The following TAFA2 variants were observed in gnomAD, a reference collection of about 807,000 sequenced individuals.
TAFA2 encodes TAFA chemokine like family member 2, also known as chemokine-like protein TAFA-2.
A neutral mutation model predicts 18.8 loss-of-function variants in TAFA2; 7 were observed. The observed-to-expected ratio is 0.37, with a 90% CI of 0.21 to 0.70. The LOEUF is 0.70. TAFA2 is among the 30% of genes least tolerant of loss of function. The probability of loss-of-function intolerance (pLI) is 0.53; values close to 1 mark genes in which losing one functional copy is unlikely to be tolerated. For synonymous variants in TAFA2, 60 were observed against 54.2 expected (o/e 1.11, Z -0.47); for missense variants, 122 against 158.1 (o/e 0.77, Z 1.23).
At chr12:62,016,898 A>G (rs555236468) in intron 1 of TAFA2, among the ~76,000 whole-genome samples, 2 of 152,310 alleles carry the variant, frequency 1.3e-5, no homozygotes, top group East Asian at 3.9e-4. Context: ...TCTGCCATAC[A>G]TGTAGAGCAG....
intron 1 of TAFA2, among the ~76,000 whole-genome samples, chr12:61,983,902 A>G (rs1436069947): frequency 1.3e-5 from 2 of 152,192 alleles, no homozygotes; most frequent in Non-Finnish European, 2.9e-5. Flanking sequence ...AGCATCCCAG[A>G]GTCTCCTGCT....
chr12:61,991,326 T>G (rs1035360645), intron 1 of TAFA2, among the ~76,000 whole-genome samples: 12 of 152,220 alleles, frequency 7.9e-5, no homozygotes, highest in African/African-American at 2.9e-4. Context: ...GATACTTTTC[T>G]TTTACATTTA....
chr12:61,981,114 A>G (rs951718644), intron 1 of TAFA2, among the ~76,000 whole-genome samples: 4 of 152,196 alleles, frequency 2.6e-5, no homozygotes, highest in Non-Finnish European at 1.5e-5. Context: ...ATAGATATAT[A>G]GATGAATGGA....
intron 1 of TAFA2, among the ~76,000 whole-genome samples, chr12:61,954,748 A>T (rs1878593192): frequency 6.6e-6 from 1 of 152,132 alleles, no homozygotes; most frequent in Non-Finnish European, 1.5e-5. Context: ...ATTTGGTGCA[A>T]AATGAGAAAC....
chr12:61,940,610 C>T (rs894745606), intron 1 of TAFA2, among the ~76,000 whole-genome samples: 2 of 152,182 alleles, frequency 1.3e-5, no homozygotes, highest in South Asian at 2.1e-4. Flanking sequence ...TGCAGTCAAC[C>T]CAAAGCCTGC....
At chr12:61,749,728 A>T (rs914758847) in intron 4 of TAFA2, among the ~76,000 whole-genome samples, 3 of 152,126 alleles carry the variant, frequency 2.0e-5, no homozygotes, top group Admixed American at 6.6e-5. Context: ...ATTTCTTCTT[A>T]AGTATATGAA....
At chr12:61,927,963 G>C (rs561132461) in intron 1 of TAFA2, among the ~76,000 whole-genome samples, 46 of 152,286 alleles carry the variant, frequency 3.0e-4, no homozygotes, top group African/African-American at 1.1e-3. Flanking sequence ...GCCATATGCA[G>C]AAAACTAAAA....
intron 1 of TAFA2, among the ~76,000 whole-genome samples, chr12:62,022,467 T>G (rs968784567): frequency 3.9e-5 from 6 of 152,180 alleles, no homozygotes; most frequent in Non-Finnish European, 5.9e-5. Context: ...AATCATTCAC[T>G]TTTTCTCTCT....
chr12:62,206,051 GC>G (rs2062690377), intron 1 of TAFA2, among the ~76,000 whole-genome samples: 1 of 152,048 alleles, frequency 6.6e-6, no homozygotes, highest in Non-Finnish European at 1.5e-5. Flanking sequence ...CACGCCAACC[GC>G]CTAGTCAGTC....
chr12:62,245,641 GTA>G (rs1383029448), intron 1 of TAFA2, among the ~76,000 whole-genome samples: 1 of 145,402 alleles, frequency 6.9e-6, no homozygotes, highest in Non-Finnish European at 1.5e-5. Flanking sequence ...TATATAAAAT[GTA>G]TATTTTATAG....
intron 1 of TAFA2, among the ~76,000 whole-genome samples, chr12:62,226,217 G>T (rs1364854468): frequency 6.8e-6 from 1 of 146,212 alleles, no homozygotes; most frequent in Non-Finnish European, 1.5e-5. Context: ...TTTTTGAGAC[G>T]GAGTCTCGCT....
intron 1 of TAFA2, among the ~76,000 whole-genome samples, chr12:61,996,271 G>T (rs187825475): frequency 6.6e-6 from 1 of 152,154 alleles, no homozygotes; most frequent in Non-Finnish European, 1.5e-5. Flanking sequence ...AGATTAAGAT[G>T]ACTAAAAGGA....
intron 1 of TAFA2, among the ~76,000 whole-genome samples, chr12:61,884,419 C>T (rs1276174353): frequency 6.6e-5 from 10 of 152,108 alleles, no homozygotes; most frequent in African/African-American, 1.2e-4. Context: ...TTGACAGTAG[C>T]TCATATGACA....
chr12:61,929,359 C>A (rs537753752), intron 1 of TAFA2, among the ~76,000 whole-genome samples: 5 of 152,208 alleles, frequency 3.3e-5, no homozygotes, highest in African/African-American at 1.2e-4. Context: ...TGAACAGACA[C>A]TTCTCAAAAG....
At chr12:62,056,867 C>T (rs530628569) in intron 1 of TAFA2, among the ~76,000 whole-genome samples, 2 of 152,288 alleles carry the variant, frequency 1.3e-5, no homozygotes, top group African/African-American at 4.8e-5. Flanking sequence ...GATGGGGGCC[C>T]GAAGGCGCTT....
In TAFA2 at chr12:61,749,628, T is replaced by G. The variant is rs149945084; in HGVS notation, c.384+3994A>C. 1.2e-4 allele frequency among the ~76,000 whole-genome samples: 19 copies of G among 152,206 alleles called. 1 individual carries two copies. The highest frequency in any genetic ancestry group is 4.1e-4 in the African/African-American group (17 of 41,554). The stretch of plus-strand genomic sequence containing the variant: ...AAATCAACTTATATTTGAAGGAACA[T>G]TTAAAAATTACAGAGCTCTTATCTG... On this transcript the variant is annotated intron_variant, in intron 4 of 4. Transcript: ENST00000416284.
intron 2 of TAFA2, among the ~76,000 whole-genome samples, chr12:61,829,308 C>T (rs1872632296): frequency 6.6e-6 from 1 of 151,582 alleles, no homozygotes; most frequent in African/African-American, 2.4e-5. Context: ...TATTTTAATG[C>T]CGTATCAGGC....
intron 4 of TAFA2, among the ~76,000 whole-genome samples, chr12:61,716,651 TAATAGAAGTGAAAATGCATTATGAAC>T (rs1869674785): frequency 1.3e-5 from 2 of 152,190 alleles, no homozygotes; most frequent in South Asian, 2.1e-4. Flanking sequence ...AATATTTATA[TAATAGAAGTGAAAATGCATTATGAAC>T]AATAGAAGTG....
chr12:62,229,323 C>T (rs2062801894), intron 1 of TAFA2, among the ~76,000 whole-genome samples: 1 of 151,994 alleles, frequency 6.6e-6, no homozygotes, highest in African/African-American at 2.4e-5. Context: ...TTCAATTTTT[C>T]CCCATTCACT....
Sources: gnomAD v4.1 joint callset for allele counts (sites outside exome capture counted in the v4.1 genomes callset) on GRCh38, gnomAD v4.1.1 for gene constraint, MANE v1.5 for transcripts, NCBI Gene and HGNC (gene_info 2026-07-23, HGNC 2026-07-21) for gene names.